The following URB1 variants were observed in gnomAD, a reference collection of about 807,000 sequenced individuals.
URB1 encodes the protein nucleolar pre-ribosomal-associated protein 1.
In URB1, 197 loss-of-function variants were observed where a neutral mutation model predicts 242.3. That is an observed-to-expected ratio of 0.81 (90% CI 0.72 to 0.91). The LOEUF is 0.91. Among genes scored for constraint, URB1 ranks in the 40% least tolerant of loss-of-function variants. URB1 has a pLI of 0.00. For synonymous variants in URB1, 1,153 were observed against 1,201.8 expected, an observed-to-expected ratio of 0.96 and a Z score of 0.84; for missense variants, 2,721 against 2,860.5, an observed-to-expected ratio of 0.95 and a Z score of 1.11.
chr21:32,391,175 C>T (rs1241934125), intron 1 of URB1, among the ~76,000 whole-genome samples: 1 of 144,024 alleles, frequency 6.9e-6, no homozygotes, highest in Non-Finnish European at 1.5e-5. Flanking sequence ...AATGAGAACA[C>T]ATGGACACAG....
chr21:32,312,120 A>C lies in URB1; in HGVS notation c.*2798T>G. ...AGAAAGGGCACCTAGGTCAAGTGCA[A>C]CTAGAGCAGGAGCATCCTATGCCTT... On this transcript the variant is annotated 3_prime_UTR_variant, in exon 39 of 39. Coordinates refer to ENST00000382751, the MANE Select transcript of URB1 (RefSeq NM_014825.3). The C allele has an allele frequency of 6.4e-7, 1 of 1,557,362 alleles. No homozygotes were observed. The highest frequency in any genetic ancestry group is 1.3e-5 in the African/African-American group (1 of 74,226).
In URB1 at chr21:32,349,432, T is replaced by C; in HGVS notation, c.2884A>G (p.Arg962Gly). The C allele has an allele frequency of 6.4e-7, 1 of 1,551,166 alleles. No homozygotes were observed. The highest frequency in any genetic ancestry group is 8.7e-7 in the Non-Finnish European group (1 of 1,146,884). The change falls in exon 21 of 39, where the codon AGG becomes GGG. Residue 962 changes from arginine (R) to glycine (G), a missense_variant. By Grantham distance (125) the Arg-to-Gly change is moderately radical. Coordinates refer to ENST00000382751, the MANE Select transcript of URB1 (RefSeq NM_014825.3). Reference sequence around the variant, plus strand: ...TGCTCACAGTGGACAACCAGGCGCCTGAGGAGATCCAGGAAGAGCTGCAGG... The same window carrying C: ...TGCTCACAGTGGACAACCAGGCGCCCGAGGAGATCCAGGAAGAGCTGCAGG... ...PLLQLFLDLL[R>G]RLVVHCEQLD... is the part of the protein sequence containing the mutation.
intron 30 of URB1, among the ~76,000 whole-genome samples, chr21:32,326,668 G>A (rs1043199631): frequency 9.9e-5 from 15 of 152,152 alleles, no homozygotes; most frequent in Admixed American, 7.9e-4. Context: ...GTTTAGAAGC[G>A]TGTGGCACTG....
chr21:32,314,333 C>T lies in URB1; in HGVS notation c.*585G>A, dbSNP rs1159563852. 1.4e-4 allele frequency: 64 copies of T among 455,902 alleles called. No individual in the cohort carries two copies. The highest frequency in any genetic ancestry group is 1.7e-4 in the Non-Finnish European group (42 of 244,054). The allele number at this position is 455,902 out of a possible 1,614,324, so 28.2% of individuals were successfully genotyped here. A position where few individuals can be genotyped will look rare whatever the true frequency, so the allele number is the denominator to read the frequency against. ...CCGAGTAGCTGGAATTACAGGTGTG[C>T]GCTACCATGCCTGGCTAATTTTTGT... is the stretch of plus-strand genomic sequence containing the variant. On this transcript the variant is annotated 3_prime_UTR_variant, in exon 39 of 39. Transcript: ENST00000382751.
intron 24 of URB1, among the ~76,000 whole-genome samples, chr21:32,343,050 T>C (rs981668965): frequency 3.9e-5 from 6 of 152,112 alleles, no homozygotes; most frequent in Non-Finnish European, 7.3e-5. Flanking sequence ...AAGACCAGGC[T>C]ACACACAGCA....
intron 21 of URB1, 36 bp downstream of exon 21, chr21:32,349,268 T>A: frequency 6.7e-7 from 1 of 1,493,142 alleles, no homozygotes; most frequent in Non-Finnish European, 8.9e-7. Context: ...TGCCCATGAC[T>A]CTGAGAATAG....
At chr21:32,350,531 G>T (rs2033145046) in intron 20 of URB1, among the ~76,000 whole-genome samples, 173 bp downstream of exon 20, 1 of 152,244 alleles carries the variant, frequency 6.6e-6, no homozygotes, top group African/African-American at 2.4e-5. Flanking sequence ...CATGGGCAGG[G>T]CTGAGGGACA....
At chr21:32,373,559 C>A in intron 7 of URB1, 88 bp downstream of exon 7, 1 of 1,386,414 alleles carries the variant, frequency 7.2e-7, no homozygotes, top group South Asian at 1.7e-5. Context: ...GACTTCAAGT[C>A]TGGTGCGGTG....
At chr21:32,374,850 A>C (rs2033442194) in intron 6 of URB1, among the ~76,000 whole-genome samples, 1 of 152,192 alleles carries the variant, frequency 6.6e-6, no homozygotes, top group Non-Finnish European at 1.5e-5. Flanking sequence ...TCACTCTTTA[A>C]AATACTTCGA....
intron 14 of URB1, among the ~76,000 whole-genome samples, chr21:32,359,351 G>A (rs1210959619): frequency 6.6e-6 from 1 of 152,024 alleles, no homozygotes; most frequent in East Asian, 1.9e-4. Context: ...TTTTATTAAA[G>A]ACCTAGAAAA....
intron 1 of URB1, among the ~76,000 whole-genome samples, chr21:32,389,158 T>C (rs1210692090): frequency 6.6e-6 from 1 of 152,126 alleles, no homozygotes; most frequent in Non-Finnish European, 1.5e-5. Flanking sequence ...GCTGAACCTA[T>C]TATTAATAAT....
intron 30 of URB1, among the ~76,000 whole-genome samples, chr21:32,331,888 A>G (rs1215290808): frequency 6.6e-6 from 1 of 152,230 alleles, no homozygotes; most frequent in Non-Finnish European, 1.5e-5. Context: ...CTGGGCAGTG[A>G]CAGTACACTC....
chr21:32,363,679 T>C (rs78099021), intron 10 of URB1, among the ~76,000 whole-genome samples: 21 of 152,170 alleles, frequency 1.4e-4, no homozygotes, highest in Non-Finnish European at 2.6e-4. Flanking sequence ...ATTTTTTTTT[T>C]GAGTCAGGGT....
chr21:32,328,005 C>T (rs1054736005), intron 30 of URB1, among the ~76,000 whole-genome samples: 1 of 152,184 alleles, frequency 6.6e-6, no homozygotes, highest in Middle Eastern at 3.2e-3. Context: ...AGATAAAAAG[C>T]AGAACCTAGG....
chr21:32,371,021 T>C (rs1470859620), intron 8 of URB1, among the ~76,000 whole-genome samples: 1 of 152,118 alleles, frequency 6.6e-6, no homozygotes, highest in African/African-American at 2.4e-5. Flanking sequence ...AGCAAATAAA[T>C]GTATGAACAG....
At chr21:32,371,802 T>C (rs530545390) in intron 8 of URB1, among the ~76,000 whole-genome samples, 1 of 149,650 alleles carries the variant, frequency 6.7e-6, no homozygotes, top group South Asian at 2.1e-4. Flanking sequence ...TGAACAGTAG[T>C]AAGCCATTTT....
chr21:32,346,559 G>A (rs2033087864), intron 22 of URB1, among the ~76,000 whole-genome samples: 2 of 152,332 alleles, frequency 1.3e-5, no homozygotes, highest in Admixed American at 1.3e-4. Flanking sequence ...AACCCAGGCT[G>A]CCTCGACTCA....
At chr21:32,353,429 A>G (rs2033181550) in intron 18 of URB1, among the ~76,000 whole-genome samples, 1 of 152,166 alleles carries the variant, frequency 6.6e-6, no homozygotes, top group African/African-American at 2.4e-5. Context: ...CAGAAGAGCC[A>G]CCTGGCCTGT....
chr21:32,339,652 G>C (rs2033005844), intron 25 of URB1, among the ~76,000 whole-genome samples: 1 of 151,904 alleles, frequency 6.6e-6, no homozygotes. Context: ...CACCACACCT[G>C]GCTAATTTTT....
Sources: gnomAD v4.1 joint callset for allele counts (sites outside exome capture counted in the v4.1 genomes callset) on GRCh38, gnomAD v4.1.1 for gene constraint, MANE v1.5 for transcripts, NCBI Gene and HGNC (gene_info 2026-07-23, HGNC 2026-07-21) for gene names.